AFF4: variants seen among roughly 807,000 people sequenced by gnomAD.
AFF4 encodes the protein ALF transcription elongation factor 4.
A neutral mutation model predicts 124.8 loss-of-function variants in AFF4; 13 were observed. That is an observed-to-expected ratio of 0.10 (90% CI 0.07 to 0.17). The LOEUF (loss-of-function observed/expected upper bound fraction) is 0.17, where lower values mean the gene tolerates loss of function less well. AFF4 is among the 10% of genes least tolerant of loss of function. The pLI is 1.00. For missense variants in AFF4, 1,092 were observed against 1,403.8 expected, an observed-to-expected ratio of 0.78 and a Z score of 3.55; for synonymous variants, 477 against 496.1, an observed-to-expected ratio of 0.96 and a Z score of 0.51.
chr5:132,922,271 C>T (rs1356512189), intron 5 of AFF4, among the ~76,000 whole-genome samples: 1 of 152,084 alleles, frequency 6.6e-6, no homozygotes. Context: ...ATACAAAAAT[C>T]AGCCAGACAT....
At chr5:132,906,765 G>C (rs763285970) in intron 5 of AFF4, among the ~76,000 whole-genome samples, 9 of 152,066 alleles carry the variant, frequency 5.9e-5, no homozygotes, top group Admixed American at 2.6e-4. Context: ...ACTGTATATA[G>C]AGCAGTGGGC....
chr5:132,893,047 C>T lies in AFF4; in HGVS notation c.2379G>A (p.Lys793=). 6.2e-7 allele frequency: 1 copy of T among 1,614,068 alleles called. No homozygotes were observed. The highest frequency in any genetic ancestry group is 8.5e-7 in the Non-Finnish European group (1 of 1,179,984). Residue 793 remains lysine (K), a synonymous_variant, in exon 12 of 21, where the codon AAG becomes AAA. Coordinates refer to ENST00000265343, the MANE Select transcript of AFF4 (RefSeq NM_014423.4). ...GAACGTACTCTCTGTTGCTGGATGG[C>T]TTATGGCCTGCTGAATTCTTGTCCT... ...KTEDKNSAGH[K]PSSNRESSKQ...
chr5:132,881,628 T>C (rs899204160), intron 20 of AFF4, among the ~76,000 whole-genome samples: 1 of 152,196 alleles, frequency 6.6e-6, no homozygotes, highest in South Asian at 2.1e-4. Context: ...CTTAAGATTA[T>C]ATCAAACTTT....
chr5:132,960,293 G>C (rs10223158), intron 1 of AFF4, among the ~76,000 whole-genome samples: 2 of 152,008 alleles, frequency 1.3e-5, no homozygotes, highest in Non-Finnish European at 2.9e-5. Context: ...AGTCTTCATA[G>C]TGAGATATCT....
intron 5 of AFF4, among the ~76,000 whole-genome samples, chr5:132,913,804 T>C (rs762825326): frequency 1.3e-5 from 2 of 152,104 alleles, no homozygotes; most frequent in Admixed American, 6.6e-5. Context: ...ATCTGGAACA[T>C]GAAATAAGTC....
intron 1 of AFF4, among the ~76,000 whole-genome samples, chr5:132,941,054 A>G (rs1761557385): frequency 6.6e-6 from 1 of 151,804 alleles, no homozygotes. Context: ...AAAAGAAAAA[A>G]TTAATATACC....
chr5:132,932,259 A>G (rs1271090795), intron 3 of AFF4, 37 bp from the exon 4 acceptor site: 1 of 1,575,110 alleles, frequency 6.3e-7, no homozygotes, highest in Non-Finnish European at 8.6e-7. Flanking sequence ...GATTTTTATC[A>G]GTAGATTTTT....
intron 17 of AFF4, 59 bp from the exon 18 acceptor site, chr5:132,886,462 A>T (rs993452097): frequency 2.7e-6 from 4 of 1,501,256 alleles, no homozygotes; most frequent in Non-Finnish European, 3.7e-6. Context: ...CCAGATTTGC[A>T]CAGACAGCCT....
Position 132,904,067 on chromosome 5 carries a change from G to A in AFF4, c.1087+301C>T, listed in dbSNP as rs114080436. On this transcript the variant is annotated intron_variant, in intron 6 of 20. Transcript: ENST00000265343. ...GCTCAGGAGTTCGAGACCAGCCTGT[G>A]CAACATAGTGAGACCCTATCTCTAC... 731 of 258,966 alleles carry A rather than the reference G, an allele frequency of 2.8e-3. 5 individuals are homozygous for A. The highest frequency in any genetic ancestry group is 4.2e-3 in the Non-Finnish European group (545 of 129,210). 16.0% of individuals were successfully genotyped at this position (258,966 alleles called of 1,614,324 possible).
chr5:132,909,474 G>A lies in AFF4; in HGVS notation c.1051-5070C>T, dbSNP rs552602839. ...ATCTTTACTCTGAAGAGAGAAGGGG[G>A]TTTAATTATTTTTTAAAAATACATT... On this transcript the variant is annotated intron_variant, in intron 5 of 20. Coordinates refer to ENST00000265343, the MANE Select transcript of AFF4 (RefSeq NM_014423.4). Among the ~76,000 whole-genome samples, 5 of 152,236 alleles carry A rather than the reference G, an allele frequency of 3.3e-5. No individual in the cohort carries two copies. In the South Asian group the frequency reaches 1.0e-3, roughly 32 times the overall value.
Position 132,883,475 on chromosome 5 carries a change from A to C in AFF4, c.3229T>G (p.Ser1077Ala). The change falls in exon 20 of 21, where the codon TCT (serine) becomes GCT (alanine). Residue 1077 changes from serine (S) to alanine (A), a missense_variant. Coordinates refer to ENST00000265343, the MANE Select transcript of AFF4 (RefSeq NM_014423.4). ...GNYSSGASSA[S>A]ASGSSVTIPQ... is the part of the protein sequence containing the mutation. The stretch of plus-strand genomic sequence containing the variant: ...ATGGTCACTGAAGAACCACTTGCAG[A>C]AGCACTACTGGCCCCAGATGAATAA... 2 of 1,614,078 alleles carry C rather than the reference A, an allele frequency of 1.2e-6. No homozygotes were observed. Among genetic ancestry groups the C allele is most frequent in the South Asian group, 1.1e-5 (1 of 91,088 alleles).
intron 1 of AFF4, among the ~76,000 whole-genome samples, chr5:132,945,625 A>G (rs1051656184): frequency 6.6e-6 from 1 of 151,968 alleles, no homozygotes; most frequent in Admixed American, 6.6e-5. Context: ...GGTGGTGGGC[A>G]CCTGTAATCC....
rs1760315818 is a variant in AFF4 at position 132,893,570 on chromosome 5, T to C, written c.2308-452A>G. Among the ~76,000 whole-genome samples the C allele has an allele frequency of 2.6e-5, 4 of 152,242 alleles. No individual in the cohort carries two copies. In the South Asian group the frequency reaches 8.3e-4, roughly 32 times the overall value. Reference sequence around the variant, plus strand: ...TCTTGTTCTGTCGCCCAGGCTGGAGTGCAGTGGCACGATCTCAGCTCACTG... The same window carrying C: ...TCTTGTTCTGTCGCCCAGGCTGGAGCGCAGTGGCACGATCTCAGCTCACTG... On this transcript the variant is annotated intron_variant, in intron 11 of 20. Transcript: ENST00000265343.
At chr5:132,949,137 G>A (rs1561511215) in intron 1 of AFF4, among the ~76,000 whole-genome samples, 1 of 151,522 alleles carries the variant, frequency 6.6e-6, no homozygotes, top group Non-Finnish European at 1.5e-5. Context: ...TCAGTAGGAA[G>A]GCATGTTGAG....
intron 10 of AFF4, among the ~76,000 whole-genome samples, chr5:132,897,922 A>G (rs1760450508): frequency 6.6e-6 from 1 of 152,196 alleles, no homozygotes; most frequent in African/African-American, 2.4e-5. Context: ...CTTTTTATCA[A>G]CAACATGATG....
chr5:132,897,073 A>G lies in AFF4; in HGVS notation c.1557T>C (p.Ser519=), dbSNP rs1185916016. Residue 519 remains serine, a synonymous_variant, in exon 11 of 21, where the codon AGT becomes AGC. Coordinates refer to ENST00000265343, the MANE Select transcript of AFF4 (RefSeq NM_014423.4). ...TAGCGGAACTCGTTTCTTTAGGTCC[A>G]CTTGTATCAGTGTAGCTATTCCCAG... The part of the protein sequence containing the change: ...QGTGNSYTDT[S]GPKETSSATP... 1 of 1,613,926 alleles carries G rather than the reference A, an allele frequency of 6.2e-7. No individual in the cohort carries two copies. Among genetic ancestry groups the G allele is most frequent in the Admixed American group, 1.7e-5 (1 of 59,988 alleles).
chr5:132,880,161 T>C lies in AFF4; in HGVS notation c.*898A>G, dbSNP rs1471804224. The C allele has an allele frequency of 5.0e-6, 2 of 398,846 alleles. No homozygotes were observed. Among genetic ancestry groups the C allele is most frequent in the Non-Finnish European group, 8.9e-6 (2 of 225,934 alleles). 24.7% of individuals were successfully genotyped at this position (398,846 alleles called of 1,614,324 possible). A position where few individuals can be genotyped will look rare whatever the true frequency, so the allele number is the denominator to read the frequency against. ...TCATCCTTTTTTCCACAGTAACTTA[T>C]TCTGTTTCGATTAAGTGTCAAATGA... On this transcript the variant is annotated 3_prime_UTR_variant, in exon 21 of 21. Transcript: ENST00000265343.
intron 3 of AFF4, 87 bp from the exon 4 acceptor site, chr5:132,932,309 T>C: frequency 9.2e-7 from 1 of 1,091,770 alleles, no homozygotes; most frequent in Non-Finnish European, 1.4e-6. Flanking sequence ...ATTAAAAGTA[T>C]TTATGACCCC....
chr5:132,924,810 G>A (rs1024707530), intron 5 of AFF4, among the ~76,000 whole-genome samples: 14 of 149,818 alleles, frequency 9.3e-5, no homozygotes, highest in South Asian at 4.3e-4. Flanking sequence ...AGTCGAGATC[G>A]CACCAGGTGA....
Sources: gnomAD v4.1 joint callset for allele counts (sites outside exome capture counted in the v4.1 genomes callset) on GRCh38, gnomAD v4.1.1 for gene constraint, MANE v1.5 for transcripts, NCBI Gene and HGNC (gene_info 2026-07-23, HGNC 2026-07-21) for gene names.